Variants in KAZN observed in about 807,000 individuals in gnomAD.
KAZN encodes kazrin, periplakin interacting protein.
A neutral mutation model predicts 87.4 loss-of-function variants in KAZN; 40 were observed. The ratio of observed to expected loss-of-function variants is 0.46; its 90% CI spans 0.36 to 0.60. The LOEUF (loss-of-function observed/expected upper bound fraction) is 0.60, where lower values mean the gene tolerates loss of function less well. KAZN is among the 20% of genes least tolerant of loss of function. The pLI is 0.00. For missense variants in KAZN, 898 were observed against 1,073.9 expected (o/e 0.84, Z 2.29); for synonymous variants, 466 against 458.3 (o/e 1.02, Z -0.22).
intron 1 of KAZN, among the ~76,000 whole-genome samples, chr1:14,622,516 C>T (rs1459648533): frequency 6.6e-6 from 1 of 151,768 alleles, no homozygotes; most frequent in Admixed American, 6.6e-5. Context: ...CGGTGAAACC[C>T]CGTCTCTACT....
intron 1 of KAZN, among the ~76,000 whole-genome samples, chr1:14,143,654 A>G (rs1280306360): frequency 6.6e-6 from 1 of 152,072 alleles, no homozygotes; most frequent in African/African-American, 2.4e-5. Context: ...GTCTTGCACA[A>G]ATTTTGCCCT....
chr1:14,788,145 T>C (rs1645565630), intron 1 of KAZN, among the ~76,000 whole-genome samples: 1 of 152,194 alleles, frequency 6.6e-6, no homozygotes, highest in Admixed American at 6.5e-5. Flanking sequence ...CATGGGGCTC[T>C]GTGCACCTGC....
chr1:14,800,540 C>G (rs202158292), intron 1 of KAZN, among the ~76,000 whole-genome samples: 4 of 152,070 alleles, frequency 2.6e-5, no homozygotes, highest in Non-Finnish European at 5.9e-5. Flanking sequence ...ATCTCTACTA[C>G]AAAACATTAA....
chr1:14,790,708 C>T (rs1455141597), intron 1 of KAZN, among the ~76,000 whole-genome samples: 2 of 152,076 alleles, frequency 1.3e-5, no homozygotes, highest in African/African-American at 4.8e-5. Context: ...TGGAGGAATC[C>T]GGTGACTTCT....
intron 2 of KAZN, among the ~76,000 whole-genome samples, chr1:14,383,001 G>C (rs1258478240): frequency 6.6e-6 from 1 of 150,550 alleles, no homozygotes; most frequent in Non-Finnish European, 1.5e-5. Context: ...ACTTTTTAAT[G>C]ATTGCCATTC....
chr1:14,122,506 G>A (rs867748842), intron 1 of KAZN, among the ~76,000 whole-genome samples: 1 of 152,112 alleles, frequency 6.6e-6, no homozygotes, highest in Non-Finnish European at 1.5e-5. Context: ...ACTCCCATGT[G>A]GTAACTAGGG....
At chr1:14,940,639 T>C (rs771073458) in intron 1 of KAZN, among the ~76,000 whole-genome samples, 5 of 152,152 alleles carry the variant, frequency 3.3e-5, no homozygotes, top group Non-Finnish European at 5.9e-5. Flanking sequence ...GAGGAAGAGC[T>C]GCTGGAGCCT....
At chr1:14,841,507 A>G (rs1223345911) in intron 1 of KAZN, among the ~76,000 whole-genome samples, 1 of 150,116 alleles carries the variant, frequency 6.7e-6, no homozygotes, top group Non-Finnish European at 1.5e-5. Context: ...AAAGATTTAC[A>G]TTTCCTGGGT....
chr1:14,437,422 C>G (rs3927512), intron 2 of KAZN, among the ~76,000 whole-genome samples: 1 of 152,030 alleles, frequency 6.6e-6, no homozygotes, highest in African/African-American at 2.4e-5. Flanking sequence ...TCAACAATCA[C>G]GAGAAATGAT....
At chr1:14,321,349 G>A (rs138595940) in intron 2 of KAZN, among the ~76,000 whole-genome samples, 24 of 152,288 alleles carry the variant, frequency 1.6e-4, no homozygotes, top group Non-Finnish European at 3.2e-4. Context: ...ATTGTTATCT[G>A]TGCTAAGAAG....
At chr1:14,246,107 A>C (rs1649477289) in intron 2 of KAZN, among the ~76,000 whole-genome samples, 1 of 152,230 alleles carries the variant, frequency 6.6e-6, no homozygotes, top group African/African-American at 2.4e-5. Context: ...CTTACTTATA[A>C]GTGAGAGCTG....
At chr1:14,315,667 T>C (rs1308028284) in intron 2 of KAZN, among the ~76,000 whole-genome samples, 1 of 152,054 alleles carries the variant, frequency 6.6e-6, no homozygotes, top group Non-Finnish European at 1.5e-5. Context: ...TCCTCTTTTG[T>C]GTTTGGAGTC....
intron 1 of KAZN, among the ~76,000 whole-genome samples, chr1:14,725,273 C>A (rs186556665): frequency 2.0e-5 from 3 of 152,184 alleles, no homozygotes; most frequent in African/African-American, 7.2e-5. Flanking sequence ...CTCTTCATTG[C>A]GTCAATGCAG....
intron 1 of KAZN, among the ~76,000 whole-genome samples, chr1:13,900,649 G>A (rs1639215406): frequency 6.6e-6 from 1 of 152,144 alleles, no homozygotes; most frequent in Non-Finnish European, 1.5e-5. Flanking sequence ...AGAGGCAGGG[G>A]CATGTGATTT....
chr1:13,984,665 A>G (rs1638923963), intron 1 of KAZN, among the ~76,000 whole-genome samples: 1 of 152,176 alleles, frequency 6.6e-6, no homozygotes, highest in Non-Finnish European at 1.5e-5. Flanking sequence ...GTATGTTACT[A>G]TATATAAGCA....
At chr1:14,090,277 C>T (rs1643945210) in intron 1 of KAZN, among the ~76,000 whole-genome samples, 1 of 152,092 alleles carries the variant, frequency 6.6e-6, no homozygotes, top group Non-Finnish European at 1.5e-5. Flanking sequence ...TATTGTCCCT[C>T]ATCTCACTGA....
chr1:13,893,421 G>A (rs1354599597), exon 1 of KAZN: 3 of 477,396 alleles, frequency 6.3e-6, no homozygotes, highest in Non-Finnish European at 1.1e-5. Flanking sequence ...TGGAACTGCT[G>A]CTGTGCAAGA....
intron 2 of KAZN, among the ~76,000 whole-genome samples, chr1:14,335,100 C>T (rs1198954033): frequency 7.9e-6 from 1 of 127,028 alleles, no homozygotes; most frequent in Non-Finnish European, 1.7e-5. Context: ...TCATGAATGA[C>T]TCGGTGCCCC....
intron 2 of KAZN, among the ~76,000 whole-genome samples, chr1:14,350,415 T>C (rs1658451766): frequency 6.6e-6 from 1 of 152,234 alleles, no homozygotes; most frequent in Non-Finnish European, 1.5e-5. Context: ...GCCTGGTTCC[T>C]CATTATGGCT....
Sources: allele counts gnomAD v4.1 joint callset (sites outside exome capture counted in the v4.1 genomes callset), GRCh38; gene constraint gnomAD v4.1.1; transcripts MANE v1.5; gene names NCBI Gene and HGNC (gene_info 2026-07-23, HGNC 2026-07-21).